Variants in NRP2 observed in about 807,000 individuals in gnomAD.
The protein encoded by NRP2 is neuropilin 2, also known as neuropilin-2.
A neutral mutation model predicts 110.4 loss-of-function variants in NRP2; 52 were observed. The ratio of observed to expected loss-of-function variants is 0.47; its 90% CI spans 0.38 to 0.59. The LOEUF (loss-of-function observed/expected upper bound fraction) is 0.59. Among genes scored for constraint, NRP2 ranks in the 20% least tolerant of loss-of-function variants. NRP2 has a pLI of 0.00. For missense variants in NRP2, 1,049 were observed against 1,203.0 expected (o/e 0.87, Z 1.89); for synonymous variants, 508 against 468.9 (o/e 1.08, Z -1.08).
chr2:205,757,679 C>T (rs2105906669), intron 12 of NRP2, among the ~76,000 whole-genome samples: 1 of 152,250 alleles, frequency 6.6e-6, no homozygotes, highest in East Asian at 1.9e-4. Flanking sequence ...TGTGGCTTGG[C>T]TGGGGCACAG....
Position 205,739,701 on chromosome 2 carries a change from T to TC in NRP2, c.1147-818_1147-817insC, listed in dbSNP as rs2105863377. ...TAGTTACTTTTTTTTTTTTTTTTTT[T>TC]TGAGCAGAGAGCACAAAAAAGCATA... is the stretch of plus-strand genomic sequence containing the variant. On this transcript the variant is annotated intron_variant, in intron 7 of 16. Transcript: ENST00000357785. Among the ~76,000 whole-genome samples the TC allele has an allele frequency of 2.1e-5, 3 of 142,180 alleles. No individual in the cohort carries two copies. The South Asian group carries it at 7.2e-4, about 34-fold the overall frequency. The allele number at this position is 142,180 out of a possible 152,430, so 93.3% of individuals were successfully genotyped here. A position where few individuals can be genotyped will look rare whatever the true frequency, so the allele number is the denominator to read the frequency against.
Position 205,795,299 on chromosome 2 carries a change from C to T in NRP2, c.*241C>T, listed in dbSNP as rs1434774634. Reference sequence around the variant, plus strand: ...CATTGCAGGAACGGGGCTGTGTTCTCTGCTGGGACAAAACAGGAGCTCATC... The same window carrying T: ...CATTGCAGGAACGGGGCTGTGTTCTTTGCTGGGACAAAACAGGAGCTCATC... On this transcript the variant is annotated 3_prime_UTR_variant, in exon 17 of 17. Transcript: ENST00000357785. The T allele has an allele frequency of 8.2e-6, 4 of 486,944 alleles. No homozygotes were observed. Among genetic ancestry groups the T allele is most frequent in the Middle Eastern group, 5.8e-4 (1 of 1,738 alleles). 30.2% of individuals were successfully genotyped at this position (486,944 alleles called of 1,614,324 possible).
chr2:205,792,271 A>G lies in NRP2; in HGVS notation c.2462A>G (p.Glu821Gly). 1 of 1,603,678 alleles carries G rather than the reference A, an allele frequency of 6.2e-7. No homozygotes were observed. Among genetic ancestry groups the G allele is most frequent in the African/African-American group, 1.3e-5 (1 of 74,870 alleles). ...GAAATACATGAGAGAGAAGGATATG[A>G]AGATGAAATTGATGGTGAGTACTGT... ...IPEIHEREGY[E>G]DEIDDEYEVD... Residue 821 changes from glutamate (E) to glycine (G), a missense_variant, in exon 16 of 17, where the codon GAA becomes GGA. Physicochemically the swap from Glu to Gly is moderately conservative, Grantham distance 98. Coordinates refer to ENST00000357785, the MANE Select transcript of NRP2 (RefSeq NM_003872.3).
At chr2:205,769,707 A>G (rs1559359600) in intron 15 of NRP2, among the ~76,000 whole-genome samples, 2 of 152,196 alleles carry the variant, frequency 1.3e-5, no homozygotes, top group African/African-American at 2.4e-5. Flanking sequence ...ATTTTAAACA[A>G]TGTAGCCTGG....
chr2:205,737,017 C>G (rs1414611917), intron 7 of NRP2, among the ~76,000 whole-genome samples: 1 of 152,214 alleles, frequency 6.6e-6, no homozygotes, highest in Non-Finnish European at 1.5e-5. Context: ...TAAATAGAAA[C>G]TGCTTAATAT....
intron 9 of NRP2, chr2:205,743,779 T>A: frequency 4.4e-6 from 4 of 907,780 alleles, no homozygotes; most frequent in Non-Finnish European, 6.3e-6. Flanking sequence ...ATGGAGTCTC[T>A]GTCACCCAGG....
At chr2:205,722,823 C>G (rs942749617) in intron 4 of NRP2, 115 bp downstream of exon 4, 1 of 806,918 alleles carries the variant, frequency 1.2e-6, no homozygotes, top group Middle Eastern at 2.8e-4. Context: ...CTTATATGAC[C>G]CATGGTGACT....
intron 7 of NRP2, among the ~76,000 whole-genome samples, chr2:205,738,011 T>TA: frequency 6.6e-6 from 1 of 152,338 alleles, no homozygotes. Context: ...CACAATCATT[T>TA]ACTCATTGAG....
rs1019065956 is a variant in NRP2, at chr2:205,725,677, C to T, written c.821-236C>T. Reference sequence around the variant, plus strand: ...TATTTTTAATCTGTATGATGATTCTCTTATTTATCCATAGCCTGATTTCTT... The same window carrying T: ...TATTTTTAATCTGTATGATGATTCTTTTATTTATCCATAGCCTGATTTCTT... On this transcript the variant is annotated intron_variant, in intron 5 of 16. Coordinates refer to ENST00000357785, the MANE Select transcript of NRP2 (RefSeq NM_003872.3). This position sits in a 1 kb window ranked among gnomAD's most constrained non-coding sequence, Gnocchi z 4.1. Among the ~76,000 whole-genome samples, 1 of 152,292 alleles carries T rather than the reference C, an allele frequency of 6.6e-6. No individual in the cohort carries two copies. Among genetic ancestry groups the T allele is most frequent in the Admixed American group, 6.5e-5 (1 of 15,300 alleles).
At chr2:205,729,567 G>A (rs1026342847) in intron 7 of NRP2, among the ~76,000 whole-genome samples, 1 of 152,226 alleles carries the variant, frequency 6.6e-6, no homozygotes, top group African/African-American at 2.4e-5. Flanking sequence ...TCCCCGGGGA[G>A]AGGAGTGGGG....
At chr2:205,776,462 C>T (rs1260984433) in intron 15 of NRP2, 1 of 1,612,404 alleles carries the variant, frequency 6.2e-7, no homozygotes, top group African/African-American at 1.3e-5. Flanking sequence ...ACCAACGGGG[C>T]CCCTCTGGCG....
At chr2:205,752,531 T>A (rs1194790235) in intron 11 of NRP2, 1 of 392,856 alleles carries the variant, frequency 2.5e-6, no homozygotes, top group African/African-American at 2.1e-5. Flanking sequence ...ATTTTCACAT[T>A]TGTCTGCTCT....
At chr2:205,745,660 C>T in intron 9 of NRP2, 86 bp from the exon 10 acceptor site, 1 of 1,515,350 alleles carries the variant, frequency 6.6e-7, no homozygotes, top group Non-Finnish European at 9.1e-7. Context: ...ACGTGCGGGG[C>T]AGGGAGGAGA....
chr2:205,783,689 T>A lies in NRP2; in HGVS notation c.2426-8546T>A, dbSNP rs534401876. On this transcript the variant is annotated intron_variant, in intron 15 of 16. Transcript: ENST00000357785. ...TGTTTATAGGCATAGGCAAAGCTAC[T>A]AGCCCCCACAGGGGCCAGTAGCAAG... Among the ~76,000 whole-genome samples, 72 of 152,342 alleles carry A rather than the reference T, an allele frequency of 4.7e-4. 1 individual carries two copies. The highest frequency in any genetic ancestry group is 9.4e-4 in the Non-Finnish European group (64 of 68,036).
chr2:205,763,585 C>A lies in NRP2; in HGVS notation c.2045-89C>A. 2 of 1,570,858 alleles carry A rather than the reference C, an allele frequency of 1.3e-6. No homozygotes were observed. The highest frequency in any genetic ancestry group is 1.8e-6 in the Non-Finnish European group (2 of 1,142,534). ...AAACCAAAGACACCGAAACTCAGTC[C>A]CAACTTTCCCTTGGAGAGGCCACAG... is the stretch of plus-strand genomic sequence containing the variant. On this transcript the variant is annotated intron_variant, in intron 12 of 16. Transcript: ENST00000357785. The surrounding 1 kb of genome is among the most constrained non-coding windows in gnomAD (Gnocchi z 4.0).
At chr2:205,748,296 G>A (rs2057576062) in intron 10 of NRP2, among the ~76,000 whole-genome samples, 1 of 152,210 alleles carries the variant, frequency 6.6e-6, no homozygotes, top group Non-Finnish European at 1.5e-5. Context: ...AAGGATAACA[G>A]GAAAAATAAT....
chr2:205,722,172 T>TACACAC lies in NRP2; in HGVS notation c.434-271_434-266dup, dbSNP rs10646445. The TACACAC allele has an allele frequency of 3.9e-3, 1,092 of 280,128 alleles. 5 individuals are homozygous for TACACAC. Among genetic ancestry groups the TACACAC allele is most frequent in the African/African-American group, 7.3e-3 (270 of 36,998 alleles). 17.4% of individuals were successfully genotyped at this position (280,128 alleles called of 1,614,324 possible). A position where few individuals can be genotyped will look rare whatever the true frequency, so the allele number is the denominator to read the frequency against. On this transcript the variant is annotated intron_variant, in intron 3 of 16. Transcript: ENST00000357785. ...TCTCTCTCTCTCTCTCTCTCTCTCA[T>TACACAC]ACACACACACACACACACACACACA...
intron 12 of NRP2, among the ~76,000 whole-genome samples, chr2:205,755,182 T>C (rs995523207): frequency 5.9e-5 from 9 of 152,326 alleles, no homozygotes; most frequent in African/African-American, 2.2e-4. Flanking sequence ...TTGGGAATTC[T>C]AGTCTTTGTC....
At chr2:205,731,073 C>G (rs1485312088) in intron 7 of NRP2, among the ~76,000 whole-genome samples, 1 of 152,176 alleles carries the variant, frequency 6.6e-6, no homozygotes, top group East Asian at 1.9e-4. Context: ...ACAGCACATC[C>G]CAAATCTTTA....
Sources: allele counts gnomAD v4.1 joint callset (sites outside exome capture counted in the v4.1 genomes callset), GRCh38; gene constraint gnomAD v4.1.1; non-coding constraint Gnocchi (gnomAD v3.1); transcripts MANE v1.5; gene names NCBI Gene and HGNC (gene_info 2026-07-23, HGNC 2026-07-21).